The following ZNF544 variants were observed in gnomAD, a reference collection of about 807,000 sequenced individuals.
ZNF544 encodes zinc finger protein 544, also known as zinc finger protein AF020591.
ZNF544 carries 10 observed loss-of-function variants against 13.5 expected under a neutral mutation model. The ratio of observed to expected loss-of-function variants is 0.74; its 90% confidence interval spans 0.46 to 1.25. The LOEUF is 1.25. Ranked by LOEUF, ZNF544 falls within the 50% of genes most tolerant of loss-of-function variation. The probability of loss-of-function intolerance (pLI) is 0.00; values close to 1 mark genes in which losing one functional copy is unlikely to be tolerated. For synonymous variants in ZNF544, 323 were observed against 300.5 expected (o/e 1.07, Z -0.77); for missense variants, 896 against 845.6 (o/e 1.06, Z -0.74).
At chr19:58,232,854 G>A (rs1171812536) in intron 3 of ZNF544, among the ~76,000 whole-genome samples, 1 of 150,328 alleles carries the variant, frequency 6.7e-6, no homozygotes, top group Non-Finnish European at 1.5e-5. Context: ...GGCTGAGGCA[G>A]GAGAATGGCA....
At chr19:58,245,870 G>A (rs554627624) in intron 4 of ZNF544, 1 of 192,498 alleles carries the variant, frequency 5.2e-6, no homozygotes, top group Middle Eastern at 2.3e-3. Context: ...CTGGCAAGAG[G>A]TGAGATGCCC....
At chr19:58,239,017 T>C (rs1202712782) in intron 3 of ZNF544, among the ~76,000 whole-genome samples, 3 of 152,166 alleles carry the variant, frequency 2.0e-5, no homozygotes, top group African/African-American at 7.2e-5. Context: ...GCTGTTAGTG[T>C]GTCCTGACTG....
In ZNF544 at chr19:58,244,027, G is replaced by A; in HGVS notation, c.4G>A (p.Glu2Lys). 1 of 1,608,806 alleles carries A rather than the reference G, an allele frequency of 6.2e-7. No individual in the cohort carries two copies. The highest frequency in any genetic ancestry group is 8.5e-7 in the Non-Finnish European group (1 of 1,177,454). ...CCTCTTCAGGTGCAGGGAGGAAATG[G>A]AAGCACGTTCTATGCTGGTTCCACC... is the stretch of plus-strand genomic sequence containing the variant. MEARSMLVPPQA... is the reference protein window; with the variant it reads MKARSMLVPPQA... The change falls in exon 4 of 7, where the codon GAA becomes AAA. Residue 2 changes from glutamate to lysine, a missense_variant. Coordinates refer to ENST00000687789, the MANE Select transcript of ZNF544 (RefSeq NM_014480.4).
intron 6 of ZNF544, among the ~76,000 whole-genome samples, chr19:58,250,680 A>T (rs1248104488): frequency 6.6e-6 from 1 of 152,024 alleles, no homozygotes; most frequent in African/African-American, 2.4e-5. Context: ...GTACATTGAT[A>T]TTGGGCCCCA....
In ZNF544 at chr19:58,243,224, A is replaced by G. The variant is rs181987184; in HGVS notation, c.-59-741A>G. Among the ~76,000 whole-genome samples, 8 of 152,224 alleles carry G rather than the reference A, an allele frequency of 5.3e-5. No individual in the cohort carries two copies. The East Asian group carries it at 1.6e-3, about 30-fold the overall frequency. On this transcript the variant is annotated intron_variant, in intron 3 of 6. Transcript: ENST00000687789. ...TGAGCGTAGTCATATGAGCAAAGGC[A>G]GAGATACAGGATGCGCTTCTGGAAT...
At chr19:58,254,538 G>C (rs1005489914) in intron 6 of ZNF544, among the ~76,000 whole-genome samples, 16 of 152,206 alleles carry the variant, frequency 1.1e-4, no homozygotes, top group African/African-American at 3.9e-4. Context: ...GTTGAGGTCT[G>C]GAGTTGGATC....
At chr19:58,270,287 T>TGAAC (rs1233421405) in intron 5 of ZNF544, among the ~76,000 whole-genome samples, 3 of 151,080 alleles carry the variant, frequency 2.0e-5, no homozygotes, top group African/African-American at 7.3e-5. Context: ...AGCTGTGACG[T>TGAAC]GAACCCTAGG....
chr19:58,236,941 A>AT (rs1465973225), intron 3 of ZNF544, among the ~76,000 whole-genome samples: 2 of 151,246 alleles, frequency 1.3e-5, no homozygotes, highest in African/African-American at 4.9e-5. Context: ...GGGTTTCACC[A>AT]TGTTAACCAG....
chr19:58,256,171 A>G (rs954395006), intron 6 of ZNF544, among the ~76,000 whole-genome samples: 1 of 152,254 alleles, frequency 6.6e-6, no homozygotes, highest in African/African-American at 2.4e-5. Context: ...AAGGGAAAAC[A>G]AAAAGAGAAA....
rs1321653530 is a variant in ZNF544 at position 58,260,850 on chromosome 19, G to C, written c.245-1G>C. 1 of 1,564,858 alleles carries C rather than the reference G, an allele frequency of 6.4e-7. No homozygotes were observed. The highest frequency in any genetic ancestry group is 1.9e-5 in the Admixed American group (1 of 52,170). On this transcript the variant is annotated splice_acceptor_variant, in intron 6 of 6. Coordinates refer to ENST00000687789, the MANE Select transcript of ZNF544 (RefSeq NM_014480.4). LOFTEE classifies it high-confidence loss of function. Reference sequence around the variant, plus strand: ...ACTTAGGCATTTTGGATTTCTTTCAGACTGGAAAGCTACCCTTGAGGAGAA... The same window carrying C: ...ACTTAGGCATTTTGGATTTCTTTCACACTGGAAAGCTACCCTTGAGGAGAA...
intron 6 of ZNF544, chr19:58,251,484 T>A (rs575071742): frequency 2.3e-6 from 1 of 439,594 alleles, no homozygotes; most frequent in East Asian, 6.5e-5. Flanking sequence ...TCCACTTTGA[T>A]TGTAATTATT....
Position 58,263,409 on chromosome 19 carries a change from T to C in ZNF544, c.*655T>C. On this transcript the variant is annotated 3_prime_UTR_variant, in exon 7 of 7. Coordinates refer to ENST00000687789, the MANE Select transcript of ZNF544 (RefSeq NM_014480.4). ...TTGGGAGGCGGTGGTTGCAGTGAGC[T>C]GTGATCATGCCATCACACCGCTGCC... 1.0e-6 allele frequency: 1 copy of C among 983,566 alleles called. No homozygotes were observed. Among genetic ancestry groups the C allele is most frequent in the Non-Finnish European group, 1.2e-6 (1 of 828,532 alleles). The allele number at this position is 983,566 out of a possible 1,614,324, so 60.9% of individuals were successfully genotyped here. A position where few individuals can be genotyped will look rare whatever the true frequency, so the allele number is the denominator to read the frequency against.
intron 3 of ZNF544, among the ~76,000 whole-genome samples, chr19:58,235,933 G>T (rs1426482996): frequency 6.6e-6 from 1 of 151,834 alleles, no homozygotes; most frequent in Non-Finnish European, 1.5e-5. Context: ...GGTGGCACAT[G>T]CCTGTAATCC....
At chr19:58,270,979 A>C (rs572276855) in intron 5 of ZNF544, among the ~76,000 whole-genome samples, 1 of 152,186 alleles carries the variant, frequency 6.6e-6, no homozygotes, top group East Asian at 1.9e-4. Context: ...TGGGAGGCTG[A>C]GGTGGGTGGA....
intron 2 of ZNF544, 167 bp downstream of exon 2, chr19:58,229,737 G>A (rs1006823353): frequency 1.3e-5 from 2 of 152,492 alleles, no homozygotes; most frequent in African/African-American, 4.8e-5. Flanking sequence ...AGGATGGGAT[G>A]TGTATGTAAC....
intron 6 of ZNF544, among the ~76,000 whole-genome samples, chr19:58,256,915 C>G (rs1043516919): frequency 6.6e-6 from 1 of 152,106 alleles, no homozygotes; most frequent in Non-Finnish European, 1.5e-5. Flanking sequence ...TTCAAAGTAA[C>G]CAGTTAGAGT....
In ZNF544 at chr19:58,241,182, T is replaced by A. The variant is rs867301979; in HGVS notation, c.-59-2783T>A. On this transcript the variant is annotated intron_variant, in intron 3 of 6. Coordinates refer to ENST00000687789, the MANE Select transcript of ZNF544 (RefSeq NM_014480.4). ...ATTTAAATATATATATATATATATT[T>A]TTTTTTTTTTGTAGAGATAGGGTCT... 6.8e-3 allele frequency among the ~76,000 whole-genome samples: 446 copies of A among 66,010 alleles called. 10 individuals are homozygous for A. Among genetic ancestry groups the A allele is most frequent in the Middle Eastern group, 0.012 (1 of 82 alleles). 43.3% of individuals were successfully genotyped at this position (66,010 alleles called of 152,430 possible). A position where few individuals can be genotyped will look rare whatever the true frequency, so the allele number is the denominator to read the frequency against.
At chr19:58,263,655 T>G (rs1174075808), downstream of ZNF544, 4 of 899,192 alleles carry the variant, frequency 4.4e-6, no homozygotes, top group African/African-American at 7.2e-5. Context: ...TCCAGGAGTC[T>G]GCAGTTTCTA....
intron 6 of ZNF544, among the ~76,000 whole-genome samples, chr19:58,249,017 G>A (rs957253196): frequency 2.6e-5 from 4 of 152,182 alleles, no homozygotes; most frequent in African/African-American, 4.8e-5. Flanking sequence ...ATGAAAACTA[G>A]GCCAGTGACC....
Sources: gnomAD v4.1 joint callset for allele counts (sites outside exome capture counted in the v4.1 genomes callset) on GRCh38, gnomAD v4.1.1 for gene constraint, MANE v1.5 for transcripts, NCBI Gene and HGNC (gene_info 2026-07-23, HGNC 2026-07-21) for gene names.